The following ASTN2 variants were observed in gnomAD, a reference collection of about 807,000 sequenced individuals.
ASTN2 encodes astrotactin-2.
ASTN2 carries 54 observed loss-of-function variants against 139.8 expected under a neutral mutation model. The ratio of observed to expected loss-of-function variants is 0.39; its 90% CI spans 0.31 to 0.48. The LOEUF is 0.48. Ranked by LOEUF, ASTN2 falls within the 20% of genes least tolerant of loss-of-function variation. The pLI, the probability that ASTN2 is intolerant of heterozygous loss-of-function variation, is 0.95. For missense variants in ASTN2, 1,565 were observed against 1,725.1 expected, an observed-to-expected ratio of 0.91 and a Z score of 1.64; for synonymous variants, 756 against 719.5, an observed-to-expected ratio of 1.05 and a Z score of -0.81.
chr9:116,845,300 T>C (rs1832395180), intron 11 of ASTN2, among the ~76,000 whole-genome samples: 1 of 152,108 alleles, frequency 6.6e-6, no homozygotes, highest in Admixed American at 6.5e-5. Flanking sequence ...CTCTTATTTT[T>C]AGTAGAGACG....
At chr9:117,128,102 G>A (rs1305080397) in intron 4 of ASTN2, among the ~76,000 whole-genome samples, 1 of 152,084 alleles carries the variant, frequency 6.6e-6, no homozygotes, top group Non-Finnish European at 1.5e-5. Flanking sequence ...GTTCCTGGGT[G>A]GGGGCTACAA....
intron 22 of ASTN2, among the ~76,000 whole-genome samples, chr9:116,436,637 G>A (rs546570518): frequency 1.3e-5 from 2 of 152,256 alleles, no homozygotes; most frequent in South Asian, 4.1e-4. Context: ...CAGAGCAAAT[G>A]GGCGGACATT....
chr9:116,885,662 T>C (rs952089465), intron 10 of ASTN2, among the ~76,000 whole-genome samples: 2 of 152,012 alleles, frequency 1.3e-5, no homozygotes, highest in Non-Finnish European at 1.5e-5. Flanking sequence ...CAAAACTCCA[T>C]CTCAAACAAA....
chr9:116,803,491 T>C (rs1481986166), intron 13 of ASTN2, among the ~76,000 whole-genome samples: 1 of 8,708 alleles, frequency 1.1e-4, no homozygotes, highest in Non-Finnish European at 2.4e-4. Flanking sequence ...AATATATATA[T>C]ATATATATAT....
At chr9:116,810,373 G>T (rs759251852) in intron 12 of ASTN2, among the ~76,000 whole-genome samples, 1 of 152,156 alleles carries the variant, frequency 6.6e-6, no homozygotes, top group Non-Finnish European at 1.5e-5. Context: ...GAGTCCAAAT[G>T]CTGAGTCTGC....
intron 6 of ASTN2, among the ~76,000 whole-genome samples, chr9:117,029,863 C>T (rs1838197461): frequency 6.6e-6 from 1 of 152,058 alleles, no homozygotes; most frequent in Admixed American, 6.6e-5. Context: ...CTATTCCAAC[C>T]CTAAGGTTTT....
At chr9:116,928,271 C>T (rs1413981003) in intron 10 of ASTN2, among the ~76,000 whole-genome samples, 1 of 152,156 alleles carries the variant, frequency 6.6e-6, no homozygotes, top group Non-Finnish European at 1.5e-5. Context: ...TTGGAAGCCT[C>T]AGAGAAACAG....
chr9:117,378,062 TA>T (rs1420040672), intron 1 of ASTN2, among the ~76,000 whole-genome samples: 3 of 152,364 alleles, frequency 2.0e-5, no homozygotes, highest in East Asian at 3.9e-4. Flanking sequence ...TTTATATTTT[TA>T]TAAAAGGAAT....
chr9:117,389,585 C>T (rs752890386), intron 1 of ASTN2, among the ~76,000 whole-genome samples: 14 of 152,172 alleles, frequency 9.2e-5, no homozygotes, highest in South Asian at 4.2e-4. Context: ...TAGCTCTTCC[C>T]CAGTGGTCTA....
intron 2 of ASTN2, among the ~76,000 whole-genome samples, chr9:117,261,002 G>A (rs997269044): frequency 6.6e-6 from 1 of 152,174 alleles, no homozygotes; most frequent in Non-Finnish European, 1.5e-5. Context: ...AATTATTCCA[G>A]TGAATAAATT....
intron 10 of ASTN2, among the ~76,000 whole-genome samples, chr9:116,894,767 AAAG>A (rs1833843769): frequency 1.3e-5 from 2 of 152,208 alleles, no homozygotes; most frequent in South Asian, 4.1e-4. Flanking sequence ...GTAGGTCAGT[AAAG>A]AAGTTCAGAG....
chr9:117,182,935 A>C (rs1428989784), intron 3 of ASTN2, among the ~76,000 whole-genome samples: 1 of 152,136 alleles, frequency 6.6e-6, no homozygotes, highest in African/African-American at 2.4e-5. Context: ...ACAGACAATT[A>C]TTATTTGTCA....
intron 3 of ASTN2, among the ~76,000 whole-genome samples, chr9:117,186,154 A>G (rs1831190994): frequency 6.6e-6 from 1 of 152,256 alleles, no homozygotes. Context: ...AGTAATGACC[A>G]TATCAATTTT....
chr9:116,560,996 T>C (rs563048695), intron 19 of ASTN2, among the ~76,000 whole-genome samples: 3 of 151,208 alleles, frequency 2.0e-5, no homozygotes, highest in African/African-American at 7.3e-5. Flanking sequence ...GGGGTAGACA[T>C]AGAGATATCT....
chr9:117,296,059 C>A (rs1834725001), intron 1 of ASTN2, among the ~76,000 whole-genome samples: 1 of 151,828 alleles, frequency 6.6e-6, no homozygotes, highest in Admixed American at 6.6e-5. Flanking sequence ...GTGGGCGGAT[C>A]ACGAGGTCAA....
chr9:116,869,048 G>A (rs556464947), intron 10 of ASTN2, among the ~76,000 whole-genome samples: 1 of 152,218 alleles, frequency 6.6e-6, no homozygotes, highest in Admixed American at 6.5e-5. Flanking sequence ...AGCAGGGTGT[G>A]GTGGTGGGTG....
intron 3 of ASTN2, among the ~76,000 whole-genome samples, chr9:117,185,654 G>A (rs1246236601): frequency 1.3e-5 from 2 of 152,178 alleles, no homozygotes; most frequent in East Asian, 3.8e-4. Context: ...TTCTTTCATG[G>A]AGTGCTTGAA....
At chr9:116,922,417 CA>C (rs930149886) in intron 10 of ASTN2, among the ~76,000 whole-genome samples, 4 of 152,208 alleles carry the variant, frequency 2.6e-5, no homozygotes, top group African/African-American at 2.4e-5. Flanking sequence ...ATCATAGACT[CA>C]GGGGGCAATT....
chr9:117,269,102 T>G (rs1834002231), intron 2 of ASTN2, among the ~76,000 whole-genome samples: 1 of 152,190 alleles, frequency 6.6e-6, no homozygotes, highest in Non-Finnish European at 1.5e-5. Flanking sequence ...TCCCATCAGG[T>G]ATTCTCGCCA....
Sources: gnomAD v4.1 joint callset for allele counts (sites outside exome capture counted in the v4.1 genomes callset) on GRCh38, gnomAD v4.1.1 for gene constraint, MANE v1.5 for transcripts, NCBI Gene and HGNC (gene_info 2026-07-23, HGNC 2026-07-21) for gene names.